The following CASKIN2 variants were observed in gnomAD, a reference collection of about 807,000 sequenced individuals.
CASKIN2 encodes the protein CASK interacting protein 2, also known as caskin-2.
Under a neutral mutation model 107.1 loss-of-function variants are expected in CASKIN2, and 41 were observed. The ratio of observed to expected loss-of-function variants is 0.38; its 90% CI spans 0.30 to 0.50. The LOEUF (loss-of-function observed/expected upper bound fraction) is 0.50. Among genes scored for constraint, CASKIN2 ranks in the 20% least tolerant of loss-of-function variants. The probability of loss-of-function intolerance (pLI) is 0.92; values close to 1 mark genes in which losing one functional copy is unlikely to be tolerated. For missense variants in CASKIN2, 1,546 were observed against 1,657.4 expected (o/e 0.93, Z 1.17); for synonymous variants, 724 against 705.6 (o/e 1.03, Z -0.41).
chr17:75,510,123 G>A lies in CASKIN2; in HGVS notation c.95-1838C>T, dbSNP rs1291601288. ...AGGGTGGCTCCTGATTTAGGCTCCC[G>A]GGCAGAGGATGTGAGCTCAGCCGGC... On this transcript the variant is annotated intron_variant, in intron 2 of 19. Coordinates refer to ENST00000321617, the MANE Select transcript of CASKIN2 (RefSeq NM_020753.5). Among the ~76,000 whole-genome samples, 7 of 152,140 alleles carry A rather than the reference G, an allele frequency of 4.6e-5. No individual in the cohort carries two copies. In the South Asian group the frequency reaches 8.3e-4, roughly 18 times the overall value.
chr17:75,501,580 T>G lies in CASKIN2; in HGVS notation c.3406A>C (p.Thr1136Pro). 10 of 1,610,158 alleles carry G rather than the reference T, an allele frequency of 6.2e-6. No individual in the cohort carries two copies. Among genetic ancestry groups the G allele is most frequent in the Non-Finnish European group, 8.5e-6 (10 of 1,178,078 alleles). Residue 1136 changes from threonine (T) to proline (P), a missense_variant, in exon 19 of 20, where the codon ACT (threonine) becomes CCT (proline). Coordinates refer to ENST00000321617, the MANE Select transcript of CASKIN2 (RefSeq NM_020753.5). ...GCCTGGCCTGGGCCCACAGTCCCAG[T>G]GCTCTCAGGCCGTGGAGGAGGCACT... ...RPVPPPRPESTGTVGPGQAQQ... is the reference protein window; with the variant it reads ...RPVPPPRPESPGTVGPGQAQQ...
chr17:75,503,661 G>A lies in CASKIN2; in HGVS notation c.1678C>T (p.Pro560Ser). ...SIAEWLPSYI[P>S]TDLLEWLCAL... ...CCCAGCCACCCTTGATGGCTCACTG[G>A]GATGTAGCTGGGCAGCCACTCGGCG... Residue 560 changes from proline (P) to serine (S), a missense_variant and splice_region_variant, in exon 16 of 20, where the codon CCA (proline) becomes TCA (serine). Around this residue, in one of 6 missense-constraint regions of CASKIN2, gnomAD observed 1,311 missense variants for 1,311.0 expected, o/e 1.00. Coordinates refer to ENST00000321617, the MANE Select transcript of CASKIN2 (RefSeq NM_020753.5). 6.2e-7 allele frequency: 1 copy of A among 1,611,498 alleles called. No individual in the cohort carries two copies.
At position 75,505,029 on chromosome 17, in the gene CASKIN2, G is replaced by A. The variant is rs776069638; in HGVS notation, c.975C>T (p.His325=). ...TGCGGTCTGTGCCCCTCTGGCTCTCGTGGATGTGGCCCTTCCAGCGGCCGT... is the reference window on the plus strand; with the variant it reads ...TGCGGTCTGTGCCCCTCTGGCTCTCATGGATGTGGCCCTTCCAGCGGCCGT... ...HPDGRWKGHI[H]ESQRGTDRIG... Residue 325 remains histidine, a synonymous_variant, in exon 11 of 20, where the codon CAC becomes CAT. Transcript: ENST00000321617. This position sits in a 1 kb window ranked among gnomAD's most constrained non-coding sequence, Gnocchi z 5.1. 26 of 1,610,034 alleles carry A rather than the reference G, an allele frequency of 1.6e-5. 1 individual carries two copies. The South Asian group carries it at 2.3e-4, about 14-fold the overall frequency.
rs1449736754 is a variant in CASKIN2 at position 75,501,907 on chromosome 17, C to G, written c.3167G>C (p.Ser1056Thr). 1 of 1,574,374 alleles carries G rather than the reference C, an allele frequency of 6.4e-7. No individual in the cohort carries two copies. The highest frequency in any genetic ancestry group is 1.2e-5 in the South Asian group (1 of 84,396). The change falls in exon 18 of 20, where the codon AGC becomes ACC. Residue 1056 changes from serine to threonine, a missense_variant. Ser to Thr is a moderately conservative substitution (Grantham distance 58). Around this residue, in one of 6 missense-constraint regions of CASKIN2, gnomAD observed 1,311 missense variants for 1,311.0 expected, o/e 1.00. Transcript: ENST00000321617. The stretch of plus-strand genomic sequence containing the variant: ...CGGCACTGGAGGCTGCATGGCGGGG[C>G]TGGGAGCAAGGGGGGTTGGAACTCC... The part of the protein sequence containing the change: ...AQGVPTPLAP[S>T]PAMQPPVPPC...
rs776732693 is a variant in CASKIN2 at position 75,505,575 on chromosome 17, C to G, written c.912G>C (p.Arg304=). The G allele has an allele frequency of 1.2e-6, 2 of 1,613,598 alleles. No individual in the cohort carries two copies. The highest frequency in any genetic ancestry group is 8.5e-7 in the Non-Finnish European group (1 of 1,179,976). The change falls in exon 10 of 20, where the codon CGG becomes CGC. Residue 304 remains arginine (R), a synonymous_variant. Coordinates refer to ENST00000321617, the MANE Select transcript of CASKIN2 (RefSeq NM_020753.5). The surrounding 1 kb of genome is among the most constrained non-coding windows in gnomAD (Gnocchi z 5.1). Reference sequence around the variant, plus strand: ...CCCTCACCGTGATGACATCCCCTGCCCGGACATTGAGAGCAGTGGGATCGT... The same window carrying G: ...CCCTCACCGTGATGACATCCCCTGCGCGGACATTGAGAGCAGTGGGATCGT... ...NLHDPTALNV[R]AGDVITVLEQ... is the part of the protein sequence containing the mutation.
chr17:75,510,875 T>C (rs1483529709), intron 2 of CASKIN2, among the ~76,000 whole-genome samples: 1 of 151,902 alleles, frequency 6.6e-6, no homozygotes, highest in East Asian at 2.0e-4. Context: ...AACAGGACTA[T>C]AGGTGTGTGC....
In CASKIN2 at chr17:75,502,973, T is replaced by C. The variant is rs2053219779; in HGVS notation, c.2101A>G (p.Ile701Val). The C allele has an allele frequency of 1.9e-6, 3 of 1,601,580 alleles. No homozygotes were observed. Among genetic ancestry groups the C allele is most frequent in the Non-Finnish European group, 8.5e-7 (1 of 1,173,766 alleles). ...CCAGACCCCCGTGAGCGTGCCCCGA[T>C]GCTCTCCTGGCTGGGAGAGCGGGCA... ...PPARSPSQES[I>V]GARSRGSGHS... The change falls in exon 18 of 20, where the codon ATC (isoleucine) becomes GTC (valine). Residue 701 changes from isoleucine to valine, a missense_variant. Physicochemically the swap from Ile to Val is conservative, Grantham distance 29. Coordinates refer to ENST00000321617, the MANE Select transcript of CASKIN2 (RefSeq NM_020753.5). The surrounding 1 kb of genome is among the most constrained non-coding windows in gnomAD (Gnocchi z 4.3).
Position 75,503,244 on chromosome 17 carries a change from C to T in CASKIN2, c.1830G>A (p.Lys610=). The stretch of plus-strand genomic sequence containing the variant: ...GCCGCTTCACCCCCAGCATGAGCTT[C>T]TTCTGATGCCCTGAGATGGGGGACG... ...EIGVNKLGHQ[K]KLMLGVKRLA... is the part of the protein sequence containing the mutation. The change falls in exon 18 of 20, where the codon AAG becomes AAA. Residue 610 remains lysine, a synonymous_variant. Transcript: ENST00000321617. 1.3e-6 allele frequency: 2 copies of T among 1,588,978 alleles called. No individual in the cohort carries two copies. Among genetic ancestry groups the T allele is most frequent in the Admixed American group, 3.4e-5 (2 of 58,272 alleles).
chr17:75,501,824 C>T lies in CASKIN2; in HGVS notation c.3250G>A (p.Glu1084Lys). ...SAASRWNGETEPPAAPAALLK... is the reference protein window; with the variant it reads ...SAASRWNGETKPPAAPAALLK... The stretch of plus-strand genomic sequence containing the variant: ...AGGGCAGCAGGGGCGGCCGGGGGTT[C>T]TGTCTCCCCATTCCACCGACTAGCT... Residue 1084 changes from glutamate to lysine, a missense_variant, in exon 18 of 20, where the codon GAA (glutamate) becomes AAA (lysine). By Grantham distance (56) the Glu-to-Lys change is moderately conservative. Around this residue, in one of 6 missense-constraint regions of CASKIN2, gnomAD observed 1,311 missense variants for 1,311.0 expected, o/e 1.00. Coordinates refer to ENST00000321617, the MANE Select transcript of CASKIN2 (RefSeq NM_020753.5). 1 of 1,552,302 alleles carries T rather than the reference C, an allele frequency of 6.4e-7. No individual in the cohort carries two copies. Among genetic ancestry groups the T allele is most frequent in the Non-Finnish European group, 8.7e-7 (1 of 1,151,532 alleles).
rs770230886 is a variant in CASKIN2 at position 75,507,093 on chromosome 17, C to T, written c.281G>A (p.Arg94Gln). ...RPLHYAAWQG[R>Q]LEPVRLLLRA... The stretch of plus-strand genomic sequence containing the variant: ...CAGCAGCAGCCTCACAGGCTCCAGC[C>T]GGCCCTGCCAGGCTGCGTAGTGCAG... The change falls in exon 5 of 20, where the codon CGG (arginine) becomes CAG (glutamine). Residue 94 changes from arginine (R) to glutamine (Q), a missense_variant. Coordinates refer to ENST00000321617, the MANE Select transcript of CASKIN2 (RefSeq NM_020753.5). 4.2e-5 allele frequency: 68 copies of T among 1,611,054 alleles called. No individual in the cohort carries two copies. The highest frequency in any genetic ancestry group is 2.1e-4 in the African/African-American group (16 of 74,912).
chr17:75,510,765 A>T (rs1312199398), intron 2 of CASKIN2, among the ~76,000 whole-genome samples: 1 of 127,170 alleles, frequency 7.9e-6, no homozygotes, highest in Non-Finnish European at 1.9e-5. Flanking sequence ...TCATTTCTTA[A>T]TTTTTTTGTA....
At chr17:75,514,762 G>A (rs1345868375) in intron 1 of CASKIN2, among the ~76,000 whole-genome samples, 1 of 152,196 alleles carries the variant, frequency 6.6e-6, no homozygotes, top group Non-Finnish European at 1.5e-5. Flanking sequence ...CATTTCTGGG[G>A]GCTCTGCCTG....
intron 3 of CASKIN2, among the ~76,000 whole-genome samples, 197 bp downstream of exon 3, chr17:75,508,037 C>G (rs1440613406): frequency 6.6e-6 from 1 of 152,150 alleles, no homozygotes. Flanking sequence ...TCACTCAGGG[C>G]TAACTCCACG....
At chr17:75,511,708 G>A (rs1396563615) in intron 2 of CASKIN2, among the ~76,000 whole-genome samples, 1 of 152,148 alleles carries the variant, frequency 6.6e-6, no homozygotes, top group Non-Finnish European at 1.5e-5. Flanking sequence ...TACAGCCTGC[G>A]CAGGGTGAAT....
chr17:75,506,717 C>T lies in CASKIN2; in HGVS notation c.487-4G>A. The T allele has an allele frequency of 2.5e-6, 4 of 1,613,588 alleles. No individual in the cohort carries two copies. The highest frequency in any genetic ancestry group is 1.3e-5 in the African/African-American group (1 of 75,026). ...TGTTCAGAAGCAGCTGGGCCACCTGCAGCACCCAGTGCCCAGTTAGAGCCT... is the reference window on the plus strand; with the variant it reads ...TGTTCAGAAGCAGCTGGGCCACCTGTAGCACCCAGTGCCCAGTTAGAGCCT... On this transcript the variant is annotated splice_region_variant and splice_polypyrimidine_tract_variant and intron_variant, in intron 6 of 19. Transcript: ENST00000321617. The surrounding 1 kb of genome is among the most constrained non-coding windows in gnomAD (Gnocchi z 4.8).
chr17:75,503,279 A>C, intron 17 of CASKIN2, 25 bp from the exon 18 acceptor site: 1 of 1,574,846 alleles, frequency 6.3e-7, no homozygotes, highest in Non-Finnish European at 8.6e-7. Context: ...GGAAGTGGCA[A>C]GGTTAGCTGG....
At chr17:75,513,336 TA>T (rs1234962648) in intron 2 of CASKIN2, among the ~76,000 whole-genome samples, 1 of 152,036 alleles carries the variant, frequency 6.6e-6, no homozygotes, top group African/African-American at 2.4e-5. Context: ...TCCCAGCTAC[TA>T]GGGAGGCTGA....
At chr17:75,509,684 A>G (rs2053300728) in intron 2 of CASKIN2, 2 of 984,496 alleles carry the variant, frequency 2.0e-6, no homozygotes, top group Non-Finnish European at 2.4e-6. Flanking sequence ...GCACAGTTCA[A>G]ATGCTCACTC....
At chr17:75,513,433 T>C (rs142614831) in intron 2 of CASKIN2, among the ~76,000 whole-genome samples, 12 of 152,246 alleles carry the variant, frequency 7.9e-5, no homozygotes, top group Admixed American at 7.8e-4. Context: ...TGACAAGCTA[T>C]AGGCACTCAA....
Sources: allele counts gnomAD v4.1 joint callset (sites outside exome capture counted in the v4.1 genomes callset), GRCh38; gene constraint gnomAD v4.1.1; regional missense constraint gnomAD v4.1.1; non-coding constraint Gnocchi (gnomAD v3.1); transcripts MANE v1.5; gene names NCBI Gene and HGNC (gene_info 2026-07-23, HGNC 2026-07-21).